SNRPD3: variants seen among roughly 807,000 people sequenced by gnomAD.
SNRPD3 encodes the protein small nuclear ribonucleoprotein Sm D3.
For missense variants in SNRPD3, 73 were observed against 167.5 expected (o/e 0.44, Z 3.11); for synonymous variants, 66 against 58.4 (o/e 1.13, Z -0.59).
intron 2 of SNRPD3, among the ~76,000 whole-genome samples, chr22:24,564,000 GT>G (rs5844597): frequency 0.73 from 110,895 of 151,966 alleles, 42,268 homozygotes; most frequent in East Asian, 0.85. Flanking sequence ...AGGAAAACCA[GT>G]TTTTTAAACT....
intron 2 of SNRPD3, among the ~76,000 whole-genome samples, chr22:24,559,518 T>A (rs569367900): frequency 6.6e-6 from 1 of 152,318 alleles, no homozygotes; most frequent in East Asian, 1.9e-4. Flanking sequence ...ATCCGTAACG[T>A]GAAGGTGTCT....
At position 24,572,323 on chromosome 22, in the gene SNRPD3, G is replaced by A; in HGVS notation, c.*346G>A. The A allele has an allele frequency of 3.4e-6, 2 of 592,814 alleles. No individual in the cohort carries two copies. 36.7% of individuals were successfully genotyped at this position (592,814 alleles called of 1,614,324 possible). A position where few individuals can be genotyped will look rare whatever the true frequency, so the allele number is the denominator to read the frequency against. On this transcript the variant is annotated 3_prime_UTR_variant, in exon 4 of 4. Coordinates refer to ENST00000215829, the MANE Select transcript of SNRPD3 (RefSeq NM_004175.5). ...GTTAAGCCCCAGAAAAGTTCACCTTGGAGAAGCTCCGAGAACACACAGATT... is the reference window on the plus strand; with the variant it reads ...GTTAAGCCCCAGAAAAGTTCACCTTAGAGAAGCTCCGAGAACACACAGATT...
Position 24,564,883 on chromosome 22 carries a change from C to CTTTTT in SNRPD3, c.127-3101_127-3100insTTTTT, listed in dbSNP as rs371010665. On this transcript the variant is annotated intron_variant, in intron 2 of 3. Transcript: ENST00000215829. ...GCATTTAGACATACTTTGCCTTGTT[C>CTTTTT]ATTTTTTTTTTTTTTTTTTTGACAG... Among the ~76,000 whole-genome samples the CTTTTT allele has an allele frequency of 7.9e-5, 10 of 127,158 alleles. 2 individuals are homozygous for CTTTTT. The highest frequency in any genetic ancestry group is 6.8e-5 in the Non-Finnish European group (4 of 58,458). 83.4% of individuals were successfully genotyped at this position (127,158 alleles called of 152,430 possible).
chr22:24,574,939 A>T lies in SNRPD3; in HGVS notation c.*2962A>T, dbSNP rs2045277543. Among the ~76,000 whole-genome samples the T allele has an allele frequency of 6.6e-6, 1 of 152,188 alleles. No individual in the cohort carries two copies. Among genetic ancestry groups the T allele is most frequent in the Admixed American group, 6.5e-5 (1 of 15,276 alleles). On this transcript the variant is annotated 3_prime_UTR_variant, in exon 4 of 4. Coordinates refer to ENST00000215829, the MANE Select transcript of SNRPD3 (RefSeq NM_004175.5). ...CTGGTTAGATCATATTCAGTGTCAA[A>T]TTATTAAGATGTGATTAAACTTTTT... is the stretch of plus-strand genomic sequence containing the variant.
intron 3 of SNRPD3, 122 bp downstream of exon 3, chr22:24,568,298 C>T (rs1427283209): frequency 1.5e-6 from 1 of 650,722 alleles, no homozygotes. Context: ...ACCCACCACC[C>T]ACTGCCACCC....
intron 3 of SNRPD3, 107 bp downstream of exon 3, chr22:24,568,283 T>C (rs2045214963): frequency 1.3e-6 from 1 of 772,010 alleles, no homozygotes; most frequent in African/African-American, 1.8e-5. Flanking sequence ...CTCTGCTCTC[T>C]CCACACCCAC....
chr22:24,564,124 AG>A (rs2045173759), intron 2 of SNRPD3, among the ~76,000 whole-genome samples: 1 of 152,048 alleles, frequency 6.6e-6, no homozygotes, highest in Non-Finnish European at 1.5e-5. Flanking sequence ...AGATGGCCTT[AG>A]TTGGTATTCG....
In SNRPD3 at chr22:24,568,146, C is replaced by A. The variant is rs1007637038; in HGVS notation, c.289C>A (p.Arg97=). Residue 97 remains arginine (R), a synonymous_variant, in exon 3 of 4, where the codon CGA becomes AGA. Coordinates refer to ENST00000215829, the MANE Select transcript of SNRPD3 (RefSeq NM_004175.5). ...TAAAAACCAAGGCTCAGGGGCTGGC[C>A]GAGGAAAAGCTGCTATTCTCAAGGC... ...KNKNQGSGAG[R]GKAAILKAQV... is the part of the protein sequence containing the mutation. 1 of 1,613,388 alleles carries A rather than the reference C, an allele frequency of 6.2e-7. No homozygotes were observed. Among genetic ancestry groups the A allele is most frequent in the Middle Eastern group, 1.7e-4 (1 of 6,060 alleles).
At chr22:24,564,884 ATTT>A (rs1208151174) in intron 2 of SNRPD3, among the ~76,000 whole-genome samples, 8 of 143,754 alleles carry the variant, frequency 5.6e-5, no homozygotes, top group African/African-American at 2.1e-4. Context: ...TGCCTTGTTC[ATTT>A]TTTTTTTTTT....
chr22:24,560,727 T>C (rs1263422439), intron 2 of SNRPD3, among the ~76,000 whole-genome samples: 6 of 125,642 alleles, frequency 4.8e-5, no homozygotes, highest in Non-Finnish European at 8.2e-5. Flanking sequence ...TTTTTTTTTT[T>C]TTTTTTTTTT....
At chr22:24,562,025 A>G (rs1442284536) in intron 2 of SNRPD3, among the ~76,000 whole-genome samples, 1 of 151,758 alleles carries the variant, frequency 6.6e-6, no homozygotes, top group African/African-American at 2.4e-5. Context: ...GCACACCACA[A>G]CGATTCGGAA....
intron 2 of SNRPD3, among the ~76,000 whole-genome samples, chr22:24,564,739 T>C (rs1326141556): frequency 6.6e-6 from 1 of 152,146 alleles, no homozygotes; most frequent in Non-Finnish European, 1.5e-5. Flanking sequence ...AGGAGTGAGA[T>C]GTGCCCCTGT....
rs1569027070 is a variant in SNRPD3 at position 24,568,048 on chromosome 22, G to A, written c.191G>A (p.Arg64His). ...GCACAGCTGGAGCAGGTATACATCC[G>A]TGGCAGCAAAATCCGCTTTCTGATT... Reference protein sequence around the residue: ...RVAQLEQVYIRGSKIRFLILP... With the variant: ...RVAQLEQVYIHGSKIRFLILP... Residue 64 changes from arginine (R) to histidine (H), a missense_variant, in exon 3 of 4, where the codon CGT becomes CAT. By Grantham distance (29) the Arg-to-His change is conservative. Coordinates refer to ENST00000215829, the MANE Select transcript of SNRPD3 (RefSeq NM_004175.5). 4 of 1,613,694 alleles carry A rather than the reference G, an allele frequency of 2.5e-6. No individual in the cohort carries two copies. Among genetic ancestry groups the A allele is most frequent in the South Asian group, 1.1e-5 (1 of 90,994 alleles).
At chr22:24,555,777 C>G, upstream of SNRPD3, 1 of 1,550,186 alleles carries the variant, frequency 6.5e-7, no homozygotes, top group Non-Finnish European at 8.7e-7. Flanking sequence ...CCCTCTCTGG[C>G]TCTTTGCCGG....
chr22:24,562,525 CAG>C (rs2045153490), intron 2 of SNRPD3, among the ~76,000 whole-genome samples: 1 of 152,188 alleles, frequency 6.6e-6, no homozygotes, highest in Non-Finnish European at 1.5e-5. Flanking sequence ...GCCTGGGCGA[CAG>C]AGCAAGACTC....
At chr22:24,567,204 T>C (rs898257432) in intron 2 of SNRPD3, among the ~76,000 whole-genome samples, 25 of 152,214 alleles carry the variant, frequency 1.6e-4, no homozygotes, top group African/African-American at 5.5e-4. Flanking sequence ...ATCTGGTATA[T>C]ACTTGTGACC....
At chr22:24,556,163 G>A in intron 1 of SNRPD3, 92 bp downstream of exon 1, 1 of 426,502 alleles carries the variant, frequency 2.3e-6, no homozygotes. Flanking sequence ...TGCGGGGCTC[G>A]GGGAGGGAAG....
chr22:24,558,370 A>G (rs2045100897), intron 2 of SNRPD3, among the ~76,000 whole-genome samples: 1 of 152,254 alleles, frequency 6.6e-6, no homozygotes, highest in South Asian at 2.1e-4. Flanking sequence ...CCTTTTGCAT[A>G]GTCATCTGAA....
chr22:24,556,245 T>C (rs926935081), intron 1 of SNRPD3, among the ~76,000 whole-genome samples, 174 bp downstream of exon 1: 1 of 152,174 alleles, frequency 6.6e-6, no homozygotes, highest in East Asian at 1.9e-4. Context: ...TCATTAGCTT[T>C]CCCCTCAACG....
Sources: gnomAD v4.1 joint callset for allele counts (sites outside exome capture counted in the v4.1 genomes callset) on GRCh38, gnomAD v4.1.1 for gene constraint, MANE v1.5 for transcripts, NCBI Gene and HGNC (gene_info 2026-07-23, HGNC 2026-07-21) for gene names.